Variants in FLNC observed in about 807,000 individuals in gnomAD.
FLNC encodes the protein filamin-C.
In FLNC, 91 loss-of-function variants were observed where a neutral mutation model predicts 254.3. The observed-to-expected ratio is 0.36, with a 90% confidence interval of 0.30 to 0.43. The LOEUF is 0.43. Ranked by LOEUF, FLNC falls within the 20% of genes least tolerant of loss-of-function variation. The pLI, the probability that FLNC is intolerant of heterozygous loss-of-function variation, is 1.00. For synonymous variants in FLNC, 1,430 were observed against 1,577.2 expected, an observed-to-expected ratio of 0.91 and a Z score of 2.21; for missense variants, 2,853 against 3,802.6, an observed-to-expected ratio of 0.75 and a Z score of 6.57.
Position 128,830,538 on chromosome 7 carries a change from AGCGCAGCGAGTCCCGTGGTCGC to A in FLNC, c.-97_-76del. The A allele has an allele frequency of 3.0e-6, 3 of 988,836 alleles. 1 individual carries two copies. The South Asian group carries it at 4.3e-5, about 14-fold the overall frequency. The allele number at this position is 988,836 out of a possible 1,614,324, so 61.3% of individuals were successfully genotyped here. On this transcript the variant is annotated 5_prime_UTR_variant, in exon 1 of 48. Coordinates refer to ENST00000325888, the MANE Select transcript of FLNC (RefSeq NM_001458.5). Reference sequence around the variant, plus strand: ...GAGAAGTTGGAGAGGAGAGCAGCGCAGCGCAGCGAGTCCCGTGGTCGCGCCCCAACAGCGCCCGACAGCCCCC... The same window carrying A: ...GAGAAGTTGGAGAGGAGAGCAGCGCAGCCCCAACAGCGCCCGACAGCCCCC...
chr7:128,831,067 G>A, intron 1 of FLNC, 78 bp downstream of exon 1: 1 of 1,399,098 alleles, frequency 7.1e-7, no homozygotes, highest in Non-Finnish European at 9.8e-7. Context: ...TGCGGGGTGG[G>A]CGCGCGGGGA....
rs2291566 is a variant in FLNC at position 128,842,386 on chromosome 7, C to T, written c.2265+12C>T. 42 of 1,613,116 alleles carry T rather than the reference C, an allele frequency of 2.6e-5. No homozygotes were observed. The highest frequency in any genetic ancestry group is 2.0e-4 in the African/African-American group (15 of 74,984). ...AGAGCCCCTTCCGGGTGCGTCCTCCCGGCCTGCCCCGTGCCCACCACCAGG... is the reference window on the plus strand; with the variant it reads ...AGAGCCCCTTCCGGGTGCGTCCTCCTGGCCTGCCCCGTGCCCACCACCAGG... On this transcript the variant is annotated intron_variant, in intron 14 of 47. Coordinates refer to ENST00000325888, the MANE Select transcript of FLNC (RefSeq NM_001458.5). The surrounding 1 kb of genome is among the most constrained non-coding windows in gnomAD (Gnocchi z 5.4).
chr7:128,833,616 ACCG>A (rs748784226), intron 1 of FLNC, among the ~76,000 whole-genome samples: 22 of 124,204 alleles, frequency 1.8e-4, no homozygotes, highest in Non-Finnish European at 2.6e-4. Context: ...CCATATACAC[ACCG>A]CCCCCCCCAA....
intron 5 of FLNC, 103 bp downstream of exon 5, chr7:128,837,858 C>G (rs1808162064): frequency 7.3e-7 from 1 of 1,367,796 alleles, no homozygotes; most frequent in African/African-American, 1.4e-5. Context: ...CAGAGCCACA[C>G]ACTGTGCTGT....
chr7:128,855,933 A>G lies in FLNC; in HGVS notation c.7252-585A>G, dbSNP rs549756023. ...GGAGCTTCTGCATAAGGCGCACAGA[A>G]TGGGCTTCACCCCACCTCCTTCTCC... On this transcript the variant is annotated intron_variant, in intron 43 of 47. Coordinates refer to ENST00000325888, the MANE Select transcript of FLNC (RefSeq NM_001458.5). Among the ~76,000 whole-genome samples, 51 of 152,310 alleles carry G rather than the reference A, an allele frequency of 3.3e-4. 2 individuals are homozygous for G. In the South Asian group the frequency reaches 0.01, roughly 31 times the overall value.
In FLNC at chr7:128,853,705, C is replaced by T. The variant is rs1350699492; in HGVS notation, c.6362-10C>T. 1 of 1,613,936 alleles carries T rather than the reference C, an allele frequency of 6.2e-7. No homozygotes were observed. The highest frequency in any genetic ancestry group is 2.2e-5 in the East Asian group (1 of 44,888). On this transcript the variant is annotated splice_polypyrimidine_tract_variant and intron_variant, in intron 38 of 47. Transcript: ENST00000325888. The stretch of plus-strand genomic sequence containing the variant: ...TGAGGTTCCTGACCCACCCTTTGTC[C>T]CCACTTCAGGAAGCCCCTTCACTGT...
Position 128,853,991 on chromosome 7 carries a change from G to T in FLNC, c.6502G>T (p.Val2168Leu). ...LKIPGNWFQM[V>L]SAQERLTRTF... ...CCACACAGGAAACTGGTTCCAGATGGTGTCTGCCCAGGAGCGCCTGACACG... is the reference window on the plus strand; with the variant it reads ...CCACACAGGAAACTGGTTCCAGATGTTGTCTGCCCAGGAGCGCCTGACACG... The change falls in exon 40 of 48, where the codon GTG becomes TTG. Residue 2168 changes from valine to leucine, a missense_variant. Val to Leu is a conservative substitution (Grantham distance 32, BLOSUM62 1). Coordinates refer to ENST00000325888, the MANE Select transcript of FLNC (RefSeq NM_001458.5). 6.2e-7 allele frequency: 1 copy of T among 1,613,328 alleles called. No homozygotes were observed. The highest frequency in any genetic ancestry group is 8.5e-7 in the Non-Finnish European group (1 of 1,180,028).
In FLNC at chr7:128,843,537, A is replaced by G. The variant is rs764784826; in HGVS notation, c.2771A>G (p.His924Arg). Reference protein sequence around the residue: ...VVRDFEIIDNHDYSYTVKYTA... With the variant: ...VVRDFEIIDNRDYSYTVKYTA... ...CGGGACTTTGAGATCATAGACAACC[A>G]TGACTACTCCTACACTGTCAAGTAC... Residue 924 changes from histidine to arginine, a missense_variant, in exon 18 of 48, where the codon CAT (histidine) becomes CGT (arginine). By Grantham distance (29) the His-to-Arg change is conservative. Transcript: ENST00000325888. The G allele has an allele frequency of 1.9e-6, 3 of 1,613,910 alleles. No individual in the cohort carries two copies. Among genetic ancestry groups the G allele is most frequent in the East Asian group, 2.2e-5 (1 of 44,876 alleles).
In FLNC at chr7:128,858,675, TC is replaced by T; in HGVS notation, c.*156del. 1.5e-6 allele frequency: 1 copy of T among 670,636 alleles called. No individual in the cohort carries two copies. Among genetic ancestry groups the T allele is most frequent in the Non-Finnish European group, 2.6e-6 (1 of 378,108 alleles). The allele number at this position is 670,636 out of a possible 1,614,324, so 41.5% of individuals were successfully genotyped here. A position where few individuals can be genotyped will look rare whatever the true frequency, so the allele number is the denominator to read the frequency against. On this transcript the variant is annotated 3_prime_UTR_variant, in exon 48 of 48. Transcript: ENST00000325888. The surrounding 1 kb of genome is among the most constrained non-coding windows in gnomAD (Gnocchi z 6.7). Reference sequence around the variant, plus strand: ...TTGGGGGTGAAGTGAAGGCCCAGCCTCCCCACCCCACCGCGCCCCAGGGGTT... The same window carrying T: ...TTGGGGGTGAAGTGAAGGCCCAGCCTCCCACCCCACCGCGCCCCAGGGGTT...
At chr7:128,840,254 C>G (rs1201379769) in intron 9 of FLNC, 94 bp downstream of exon 9, 2 of 1,450,434 alleles carry the variant, frequency 1.4e-6, no homozygotes, top group East Asian at 2.3e-5. Context: ...CAGTGACAGC[C>G]AGCACCACAG....
chr7:128,835,358 C>T lies in FLNC; in HGVS notation c.385C>T (p.Leu129=). 3 of 1,613,990 alleles carry T rather than the reference C, an allele frequency of 1.9e-6. No homozygotes were observed. Among genetic ancestry groups the T allele is most frequent in the Non-Finnish European group, 2.5e-6 (3 of 1,180,016 alleles). The change falls in exon 2 of 48, where the codon CTG becomes TTG. Residue 129 remains leucine, a synonymous_variant. Coordinates refer to ENST00000325888, the MANE Select transcript of FLNC (RefSeq NM_001458.5). This position sits in a 1 kb window ranked among gnomAD's most constrained non-coding sequence, Gnocchi z 5.3. The stretch of plus-strand genomic sequence containing the variant: ...GGCCATCGTGGATGGGAACCTGAAG[C>T]TGATCCTGGGCCTGATCTGGACGCT... The part of the protein sequence containing the change: ...SKAIVDGNLK[L]ILGLIWTLIL...
At position 128,845,982 on chromosome 7, in the gene FLNC, G is replaced by A. The variant is rs374187337; in HGVS notation, c.3791-8G>A. 297 of 1,613,394 alleles carry A rather than the reference G, an allele frequency of 1.8e-4. No homozygotes were observed. The highest frequency in any genetic ancestry group is 2.4e-4 in the Non-Finnish European group (283 of 1,179,956). ...ACCCCTGCTGAACACGCCACCCCTG[G>A]GCTCCAGGTGTCCTGCGGGAGGTGA... On this transcript the variant is annotated splice_polypyrimidine_tract_variant and splice_region_variant and intron_variant, in intron 21 of 47. Transcript: ENST00000325888.
rs1340231541 is a variant in FLNC at position 128,843,476 on chromosome 7, G to T, written c.2710G>T (p.Val904Leu). Residue 904 changes from valine (V) to leucine (L), a missense_variant, in exon 18 of 48, where the codon GTG becomes TTG. Val to Leu is a conservative substitution (Grantham distance 32). This residue lies in a region of FLNC where 1,573 missense variants were observed against 1,883.5 expected (regional missense o/e 0.84). Transcript: ENST00000325888. ...GGGAGCCGGCAAGGCCAAGCTGGAT[G>T]TGCAGTTTGCAGGGACAGCCAAGGG... ...TKGAGKAKLD[V>L]QFAGTAKGEV... 2 of 1,614,138 alleles carry T rather than the reference G, an allele frequency of 1.2e-6. No individual in the cohort carries two copies. The highest frequency in any genetic ancestry group is 2.7e-5 in the African/African-American group (2 of 75,064).
At chr7:128,840,402 T>C (rs1288972120) in intron 9 of FLNC, 146 bp from the exon 10 acceptor site, 1 of 1,096,220 alleles carries the variant, frequency 9.1e-7, no homozygotes, top group Non-Finnish European at 1.4e-6. Context: ...ATGACAAGTG[T>C]TCCCTGCCCT....
Position 128,857,009 on chromosome 7 carries a change from T to C in FLNC, c.7561+88T>C. The C allele has an allele frequency of 6.3e-7, 1 of 1,576,798 alleles. No homozygotes were observed. Among genetic ancestry groups the C allele is most frequent in the South Asian group, 1.1e-5 (1 of 90,298 alleles). Reference sequence around the variant, plus strand: ...TGCTTTGCTCCAGAGGTAGGGGCCCTGCTTCCTAAGCCAGGAGTCCCCACA... The same window carrying C: ...TGCTTTGCTCCAGAGGTAGGGGCCCCGCTTCCTAAGCCAGGAGTCCCCACA... On this transcript the variant is annotated intron_variant, in intron 45 of 47. Coordinates refer to ENST00000325888, the MANE Select transcript of FLNC (RefSeq NM_001458.5). This position sits in a 1 kb window ranked among gnomAD's most constrained non-coding sequence, Gnocchi z 4.5.
chr7:128,849,152 C>T (rs906893103), intron 28 of FLNC, 29 bp from the exon 29 acceptor site: 3 of 1,611,584 alleles, frequency 1.9e-6, no homozygotes, highest in African/African-American at 2.7e-5. Context: ...TTGAGCACCG[C>T]CTGGCCTCAC....
rs772943428 is a variant in FLNC, at chr7:128,856,481, C to T, written c.7252-37C>T. On this transcript the variant is annotated intron_variant, in intron 43 of 47. Transcript: ENST00000325888. This position sits in a 1 kb window ranked among gnomAD's most constrained non-coding sequence, Gnocchi z 5.9. ...CAGAGAAGACTGCTCCAGCCCCGGC[C>T]TCCCAGGAGTCTGAGCATCCTCCGT... The T allele has an allele frequency of 6.2e-7, 1 of 1,607,540 alleles. No homozygotes were observed.
At position 128,842,410 on chromosome 7, in the gene FLNC, G is replaced by A. The variant is rs761043972; in HGVS notation, c.2265+36G>A. On this transcript the variant is annotated intron_variant, in intron 14 of 47. Coordinates refer to ENST00000325888, the MANE Select transcript of FLNC (RefSeq NM_001458.5). This position sits in a 1 kb window ranked among gnomAD's most constrained non-coding sequence, Gnocchi z 5.4. ...CCGGCCTGCCCCGTGCCCACCACCA[G>A]GGGTCCCTGAGGGAGGGCGGAACCC... is the stretch of plus-strand genomic sequence containing the variant. The A allele has an allele frequency of 1.9e-6, 3 of 1,613,032 alleles. No homozygotes were observed. The highest frequency in any genetic ancestry group is 2.5e-6 in the Non-Finnish European group (3 of 1,179,886).
Position 128,840,645 on chromosome 7 carries a change from C to A in FLNC, c.1647C>A (p.Ile549=), listed in dbSNP as rs757709231. The A allele has an allele frequency of 6.2e-6, 10 of 1,614,220 alleles. No individual in the cohort carries two copies. In the South Asian group the frequency reaches 1.1e-4, roughly 18 times the overall value. Residue 549 remains isoleucine, a synonymous_variant, in exon 10 of 48, where the codon ATC becomes ATA. Transcript: ENST00000325888. ...PVVPGKYVVT[I]TWGGYAIPRS... is the part of the protein sequence containing the mutation. ...TGCCTGGGAAGTATGTGGTGACCAT[C>A]ACGTGGGGCGGCTACGCCATCCCTC...
Sources: gnomAD v4.1 joint callset for allele counts (sites outside exome capture counted in the v4.1 genomes callset) on GRCh38, gnomAD v4.1.1 for gene constraint, gnomAD v4.1.1 regional missense constraint, Gnocchi (gnomAD v3.1) non-coding constraint, MANE v1.5 for transcripts, NCBI Gene and HGNC (gene_info 2026-07-23, HGNC 2026-07-21) for gene names.